Variants in C6orf89 observed in about 807,000 individuals in gnomAD.
The protein encoded by C6orf89 is chromosome 6 open reading frame 89.
A neutral mutation model predicts 40.7 loss-of-function variants in C6orf89; 29 were observed. The ratio of observed to expected loss-of-function variants is 0.71; its 90% CI spans 0.53 to 0.97. The LOEUF is 0.97. Among genes scored for constraint, C6orf89 ranks in the 50% least tolerant of loss-of-function variants. The pLI, the probability that C6orf89 is intolerant of heterozygous loss-of-function variation, is 0.00. For missense variants in C6orf89, 392 were observed against 429.1 expected (o/e 0.91, Z 0.76); for synonymous variants, 165 against 152.2 (o/e 1.08, Z -0.62).
At chr6:36,898,035 T>C (rs1761507205) in intron 2 of C6orf89, among the ~76,000 whole-genome samples, 1 of 152,198 alleles carries the variant, frequency 6.6e-6, no homozygotes, top group Admixed American at 6.5e-5. Flanking sequence ...AAAAATATTA[T>C]TGTTCTGTAA....
At position 36,926,856 on chromosome 6, in the gene C6orf89, G is replaced by C. The variant is rs1762697609; in HGVS notation, c.*3415G>C. 1 of 152,236 alleles carries C rather than the reference G, an allele frequency of 6.6e-6. No homozygotes were observed. The highest frequency in any genetic ancestry group is 2.4e-5 in the African/African-American group (1 of 41,458). 9.4% of individuals were successfully genotyped at this position (152,236 alleles called of 1,614,324 possible). On this transcript the variant is annotated 3_prime_UTR_variant, in exon 9 of 9. Coordinates refer to ENST00000480824, the MANE Select transcript of C6orf89 (RefSeq NM_001286635.2). ...TCATTTTCCTGCGGCATCACGGCAT[G>C]GTGCCGAAGAAGACAGCTGTGGATG... is the stretch of plus-strand genomic sequence containing the variant.
chr6:36,884,216 C>T (rs928218976), upstream of C6orf89, among the ~76,000 whole-genome samples: 9 of 152,102 alleles, frequency 5.9e-5, no homozygotes, highest in Non-Finnish European at 8.8e-5. This position sits in a 1 kb window ranked among gnomAD's most constrained non-coding sequence, Gnocchi z 4.0. Context: ...GAGCTGAGAT[C>T]GCCGCTGCAT....
At chr6:36,891,418 A>G (rs1180005301) in intron 1 of C6orf89, among the ~76,000 whole-genome samples, 1 of 152,136 alleles carries the variant, frequency 6.6e-6, no homozygotes, top group Non-Finnish European at 1.5e-5. Flanking sequence ...GTTGGTTCCA[A>G]GTCTTTGCTA....
At position 36,923,757 on chromosome 6, in the gene C6orf89, G is replaced by C. The variant is rs1715108702; in HGVS notation, c.*316G>C. The C allele has an allele frequency of 2.7e-6, 1 of 372,140 alleles. No homozygotes were observed. The highest frequency in any genetic ancestry group is 2.1e-5 in the African/African-American group (1 of 47,502). The allele number at this position is 372,140 out of a possible 1,614,324, so 23.1% of individuals were successfully genotyped here. Reference sequence around the variant, plus strand: ...TGCTGCCCTTCAGGCAGGAAACAGGGCTGGTGCCTTTCTTCACCTGCATGG... The same window carrying C: ...TGCTGCCCTTCAGGCAGGAAACAGGCCTGGTGCCTTTCTTCACCTGCATGG... On this transcript the variant is annotated 3_prime_UTR_variant, in exon 9 of 9. Coordinates refer to ENST00000480824, the MANE Select transcript of C6orf89 (RefSeq NM_001286635.2).
chr6:36,911,422 G>A (rs1323274041), intron 4 of C6orf89, among the ~76,000 whole-genome samples: 1 of 151,916 alleles, frequency 6.6e-6, no homozygotes, highest in African/African-American at 2.4e-5. Flanking sequence ...CCCAGGAGGC[G>A]GAGGTTGCAG....
chr6:36,887,409 G>GT (rs1432923857), intron 1 of C6orf89, among the ~76,000 whole-genome samples: 5 of 152,142 alleles, frequency 3.3e-5, no homozygotes, highest in East Asian at 3.8e-4. Context: ...TCTGTTCTTA[G>GT]TTTTTTGTGT....
At chr6:36,919,434 A>G in intron 7 of C6orf89, 144 bp from the exon 8 acceptor site, 2 of 1,009,612 alleles carry the variant, frequency 2.0e-6, no homozygotes, top group Non-Finnish European at 2.8e-6. Flanking sequence ...ATAATTGCAA[A>G]TTTTTGTTAT....
intron 2 of C6orf89, among the ~76,000 whole-genome samples, chr6:36,898,048 TA>T (rs1384903998): frequency 6.6e-6 from 1 of 152,188 alleles, no homozygotes; most frequent in Non-Finnish European, 1.5e-5. Flanking sequence ...TTCTGTAACT[TA>T]AACACCTTTT....
upstream of C6orf89, chr6:36,883,252 T>A (rs1295953609): frequency 6.6e-6 from 1 of 152,192 alleles, no homozygotes; most frequent in African/African-American, 2.4e-5. Flanking sequence ...CCATCCACAC[T>A]ACAGCAAAAC....
At chr6:36,913,498 A>G (rs577775738) in intron 4 of C6orf89, among the ~76,000 whole-genome samples, 3 of 152,256 alleles carry the variant, frequency 2.0e-5, no homozygotes, top group African/African-American at 4.8e-5. Context: ...GCAAGGGTCT[A>G]TGCACACATC....
intron 4 of C6orf89, among the ~76,000 whole-genome samples, chr6:36,911,687 C>G (rs375904610): frequency 6.6e-6 from 1 of 151,966 alleles, no homozygotes; most frequent in Non-Finnish European, 1.5e-5. Flanking sequence ...GAATATGACA[C>G]GCTACTACAG....
chr6:36,918,984 T>C (rs554489443), intron 7 of C6orf89, among the ~76,000 whole-genome samples: 10 of 152,240 alleles, frequency 6.6e-5, no homozygotes, highest in Non-Finnish European at 7.3e-5. Flanking sequence ...ATGGCATATC[T>C]GCTCCCCTGG....
intron 2 of C6orf89, 83 bp from the exon 3 acceptor site, chr6:36,899,343 C>A: frequency 2.3e-6 from 3 of 1,286,156 alleles, no homozygotes; most frequent in Non-Finnish European, 3.4e-6. Context: ...TCCTTCTCTA[C>A]AGATGGTCAA....
At chr6:36,914,497 A>G in intron 5 of C6orf89, 57 bp from the exon 6 acceptor site, 1 of 1,612,008 alleles carries the variant, frequency 6.2e-7, no homozygotes, top group South Asian at 1.1e-5. Flanking sequence ...GTCAAGCTCT[A>G]GGAAATTTCT....
At chr6:36,876,617 C>T (rs184475239) in intron 1 of C6orf89, among the ~76,000 whole-genome samples, 29 of 151,342 alleles carry the variant, frequency 1.9e-4, no homozygotes, top group Non-Finnish European at 3.8e-4. Flanking sequence ...CCTGCTACTT[C>T]GGAGGCTGAG....
At chr6:36,910,557 G>A (rs777318613) in intron 4 of C6orf89, among the ~76,000 whole-genome samples, 20 of 152,074 alleles carry the variant, frequency 1.3e-4, no homozygotes, top group Non-Finnish European at 1.5e-5. Flanking sequence ...ATGAAACCCT[G>A]TCTCTTCCAA....
rs1012471776 is a variant in C6orf89 at position 36,913,567 on chromosome 6, C to T, written c.404-717C>T. Among the ~76,000 whole-genome samples, 3 of 152,224 alleles carry T rather than the reference C, an allele frequency of 2.0e-5. No homozygotes were observed. The East Asian group carries it at 5.8e-4, about 29-fold the overall frequency. On this transcript the variant is annotated intron_variant, in intron 4 of 8. Transcript: ENST00000480824. ...ATAATAGGGGTCACCCTTCTATCCA[C>T]ACCAGCCCCCCTGTGCTGTAGACGT...
At chr6:36,915,258 T>G (rs1020433199) in intron 6 of C6orf89, among the ~76,000 whole-genome samples, 8 of 152,178 alleles carry the variant, frequency 5.3e-5, no homozygotes, top group African/African-American at 1.7e-4. Flanking sequence ...GCATTTAGCA[T>G]TTTATGTAGA....
intron 1 of C6orf89, among the ~76,000 whole-genome samples, chr6:36,875,634 G>A (rs1446886253): frequency 6.6e-6 from 1 of 152,234 alleles, no homozygotes; most frequent in East Asian, 1.9e-4. Context: ...TAAACTTAAC[G>A]CTGTAAATGC....
Sources: allele counts gnomAD v4.1 joint callset (sites outside exome capture counted in the v4.1 genomes callset), GRCh38; gene constraint gnomAD v4.1.1; non-coding constraint Gnocchi (gnomAD v3.1); transcripts MANE v1.5; gene names NCBI Gene and HGNC (gene_info 2026-07-23, HGNC 2026-07-21).